MDGA2: variants seen among roughly 807,000 people sequenced by gnomAD.
MDGA2 encodes the protein MAM domain-containing glycosylphosphatidylinositol anchor protein 2.
A neutral mutation model predicts 117.8 loss-of-function variants in MDGA2; 40 were observed. The observed-to-expected ratio is 0.34, with a 90% CI of 0.26 to 0.44. MDGA2 has a LOEUF of 0.44. Among genes scored for constraint, MDGA2 ranks in the 20% least tolerant of loss-of-function variants. The pLI is 1.00. For missense variants in MDGA2, 1,123 were observed against 1,250.6 expected, an observed-to-expected ratio of 0.90 and a Z score of 1.54; for synonymous variants, 452 against 439.0, an observed-to-expected ratio of 1.03 and a Z score of -0.37.
At chr14:47,621,762 G>T (rs186179172) in intron 1 of MDGA2, among the ~76,000 whole-genome samples, 1 of 152,262 alleles carries the variant, frequency 6.6e-6, no homozygotes, top group African/African-American at 2.4e-5. Context: ...TCTTGAGTAG[G>T]GGCTGCTCAT....
intron 3 of MDGA2, among the ~76,000 whole-genome samples, chr14:47,192,286 A>T (rs1885143690): frequency 6.6e-6 from 1 of 152,116 alleles, no homozygotes; most frequent in Admixed American, 6.6e-5. Context: ...TTTGGGACAG[A>T]CCAGAAGAAA....
chr14:47,041,351 A>T (rs746063659), intron 7 of MDGA2, among the ~76,000 whole-genome samples: 1 of 152,208 alleles, frequency 6.6e-6, no homozygotes, highest in East Asian at 1.9e-4. Flanking sequence ...CAAATTATTT[A>T]AAAAAATTGT....
At chr14:47,263,038 CG>C (rs1355815246) in intron 2 of MDGA2, among the ~76,000 whole-genome samples, 1 of 152,022 alleles carries the variant, frequency 6.6e-6, no homozygotes, top group East Asian at 1.9e-4. Flanking sequence ...TAGGGCCTAT[CG>C]GGCTGTGGGG....
At chr14:47,398,371 C>A (rs1391651416) in intron 1 of MDGA2, among the ~76,000 whole-genome samples, 1 of 152,142 alleles carries the variant, frequency 6.6e-6, no homozygotes, top group Non-Finnish European at 1.5e-5. Flanking sequence ...GGTCCTAGTC[C>A]AACTCTACTA....
chr14:47,625,961 CCAGA>C (rs1384552793), intron 1 of MDGA2, among the ~76,000 whole-genome samples: 6 of 152,314 alleles, frequency 3.9e-5, no homozygotes, highest in South Asian at 2.1e-4. Flanking sequence ...CCTCAGGACA[CCAGA>C]CAGAGTTTCC....
chr14:46,996,502 T>A (rs1379916373), intron 8 of MDGA2: 2 of 152,132 alleles, frequency 1.3e-5, no homozygotes, highest in African/African-American at 2.4e-5. Flanking sequence ...AGAAAAAAAA[T>A]CAAGAGCCCA....
chr14:47,645,951 G>T (rs993598967), intron 1 of MDGA2, among the ~76,000 whole-genome samples: 1 of 151,752 alleles, frequency 6.6e-6, no homozygotes, highest in Non-Finnish European at 1.5e-5. Flanking sequence ...GTGGTGGCAG[G>T]CTCCTGTAGT....
intron 7 of MDGA2, among the ~76,000 whole-genome samples, chr14:47,056,118 T>C (rs549135319): frequency 1.7e-4 from 26 of 152,286 alleles, no homozygotes; most frequent in Non-Finnish European, 2.9e-4. Flanking sequence ...ATAGCCATTC[T>C]ATAAAACTTC....
intron 2 of MDGA2, among the ~76,000 whole-genome samples, chr14:47,224,275 A>G (rs1202981471): frequency 1.3e-5 from 2 of 150,810 alleles, no homozygotes; most frequent in Admixed American, 1.3e-4. Context: ...TCAATTCCCA[A>G]TAGAGTCTGA....
At chr14:47,091,539 C>A (rs7147064) in intron 6 of MDGA2, among the ~76,000 whole-genome samples, 79,599 of 151,772 alleles carry the variant, frequency 0.52, 21,197 homozygotes, top group East Asian at 0.83. Context: ...AAGACCAATG[C>A]GTCTAAAGTA....
At chr14:47,417,836 C>T (rs1466787082) in intron 1 of MDGA2, among the ~76,000 whole-genome samples, 5 of 152,098 alleles carry the variant, frequency 3.3e-5, no homozygotes, top group Non-Finnish European at 7.4e-5. Flanking sequence ...ACCTCTGCCT[C>T]CTGAGTAGCT....
intron 8 of MDGA2, among the ~76,000 whole-genome samples, chr14:46,983,620 T>C (rs1008437660): frequency 2.6e-5 from 4 of 152,138 alleles, no homozygotes; most frequent in African/African-American, 9.6e-5. Context: ...CCTTGCTCTG[T>C]AGGGATGAAT....
chr14:46,974,376 A>G (rs969296187), intron 8 of MDGA2, among the ~76,000 whole-genome samples: 2 of 152,138 alleles, frequency 1.3e-5, no homozygotes, highest in African/African-American at 4.8e-5. Context: ...AGAAAAACCC[A>G]TTCTAAAATT....
chr14:47,659,562 A>T (rs999566282), intron 1 of MDGA2, among the ~76,000 whole-genome samples: 1 of 152,210 alleles, frequency 6.6e-6, no homozygotes, highest in Non-Finnish European at 1.5e-5. Context: ...GCTTTCATGG[A>T]TATTATTTAA....
intron 1 of MDGA2, among the ~76,000 whole-genome samples, chr14:47,609,264 G>C (rs1896795128): frequency 6.7e-6 from 1 of 150,074 alleles, no homozygotes; most frequent in Non-Finnish European, 1.5e-5. Context: ...TCATTCTTAT[G>C]CTTTTGCGTC....
Position 46,971,191 on chromosome 14 carries a change from A to G in MDGA2, c.1820-13548T>C, listed in dbSNP as rs1308004715. Among the ~76,000 whole-genome samples the G allele has an allele frequency of 1.3e-5, 2 of 152,220 alleles. 1 individual carries two copies. The highest frequency in any genetic ancestry group is 4.1e-4 in the South Asian group (2 of 4,828). The stretch of plus-strand genomic sequence containing the variant: ...AAAAAATAAAAATAGAACTATCACA[A>G]TCTACCAATTCCACTGGATATTTAT... On this transcript the variant is annotated intron_variant, in intron 8 of 16. Transcript: ENST00000399232.
At chr14:47,446,586 G>A (rs1420670777) in intron 1 of MDGA2, among the ~76,000 whole-genome samples, 1 of 151,992 alleles carries the variant, frequency 6.6e-6, no homozygotes, top group Admixed American at 6.6e-5. Context: ...CGGTGTATAA[G>A]GGTAAAAAGA....
At chr14:47,241,676 C>G (rs1887046113) in intron 2 of MDGA2, among the ~76,000 whole-genome samples, 1 of 151,848 alleles carries the variant, frequency 6.6e-6, no homozygotes, top group Non-Finnish European at 1.5e-5. Flanking sequence ...CAAACACTTT[C>G]ATCTCCCAAC....
intron 7 of MDGA2, among the ~76,000 whole-genome samples, chr14:47,056,070 T>A (rs936052699): frequency 1.3e-5 from 2 of 152,168 alleles, no homozygotes; most frequent in African/African-American, 4.8e-5. Flanking sequence ...GTGATAGTCT[T>A]ATGACTTCTA....
Sources: gnomAD v4.1 joint callset for allele counts (sites outside exome capture counted in the v4.1 genomes callset) on GRCh38, gnomAD v4.1.1 for gene constraint, MANE v1.5 for transcripts, NCBI Gene and HGNC (gene_info 2026-07-23, HGNC 2026-07-21) for gene names.